The following PTPRA variants were observed in gnomAD, a reference collection of about 807,000 sequenced individuals.
PTPRA encodes receptor-type tyrosine-protein phosphatase alpha.
A neutral mutation model predicts 104.8 loss-of-function variants in PTPRA; 25 were observed. The ratio of observed to expected loss-of-function variants is 0.24; its 90% CI spans 0.17 to 0.33. The LOEUF (loss-of-function observed/expected upper bound fraction) is 0.33. Ranked by LOEUF, PTPRA falls within the 10% of genes least tolerant of loss-of-function variation. PTPRA has a pLI of 1.00. For synonymous variants in PTPRA, 323 were observed against 368.9 expected (o/e 0.88, Z 1.43); for missense variants, 765 against 1,015.3 (o/e 0.75, Z 3.35).
At chr20:3,009,195 C>G (rs1238857989) in intron 11 of PTPRA, among the ~76,000 whole-genome samples, 2 of 151,508 alleles carry the variant, frequency 1.3e-5, no homozygotes, top group Admixed American at 6.6e-5. Flanking sequence ...TCTGAGGTCC[C>G]TGAGAAAAGG....
At chr20:2,873,246 C>T (rs938795399), upstream of PTPRA, among the ~76,000 whole-genome samples, 6 of 152,172 alleles carry the variant, frequency 3.9e-5, no homozygotes, top group African/African-American at 7.2e-5. The surrounding 1 kb of genome is among the most constrained non-coding windows in gnomAD (Gnocchi z 4.4). Flanking sequence ...GGCACTGGTG[C>T]ACTCGCAGCC....
At chr20:2,979,601 A>G (rs2062586179) in intron 6 of PTPRA, among the ~76,000 whole-genome samples, 1 of 152,196 alleles carries the variant, frequency 6.6e-6, no homozygotes, top group South Asian at 2.1e-4. Flanking sequence ...ATCACAGCTC[A>G]CTGCAGCCTT....
At chr20:2,877,799 A>T (rs959765122) in intron 1 of PTPRA, among the ~76,000 whole-genome samples, 6 of 152,216 alleles carry the variant, frequency 3.9e-5, no homozygotes, top group Admixed American at 1.3e-4. Flanking sequence ...ATAGAATATG[A>T]TTTTTGAATT....
chr20:2,891,577 T>C (rs2146975874), intron 1 of PTPRA, among the ~76,000 whole-genome samples: 1 of 151,498 alleles, frequency 6.6e-6, no homozygotes, highest in Admixed American at 6.6e-5. Flanking sequence ...GTGTAGATTC[T>C]GTGCTTATAT....
rs1600299228 is a variant in PTPRA, at chr20:3,038,301, C to CTGAT, written c.*169_*172dup. 29 of 583,738 alleles carry CTGAT rather than the reference C, an allele frequency of 5.0e-5. No homozygotes were observed. The East Asian group carries it at 8.8e-4, about 18-fold the overall frequency. The allele number at this position is 583,738 out of a possible 1,614,324, so 36.2% of individuals were successfully genotyped here. ...AATTTTATATGTAAATGTGTTAGCA[C>CTGAT]TGATAGTCCTTTTTCCAATGTTTTA... On this transcript the variant is annotated 3_prime_UTR_variant, in exon 24 of 24. Transcript: ENST00000399903.
chr20:2,880,176 AAG>A (rs1385240951), intron 1 of PTPRA, among the ~76,000 whole-genome samples: 1 of 152,240 alleles, frequency 6.6e-6, no homozygotes, highest in Non-Finnish European at 1.5e-5. Context: ...AATTGTTAAA[AAG>A]TTCACTGTGG....
intron 1 of PTPRA, among the ~76,000 whole-genome samples, chr20:2,922,731 G>A (rs112606028): frequency 0.073 from 11,046 of 151,874 alleles, 521 homozygotes; most frequent in Non-Finnish European, 0.096. Context: ...TCTGCCTCCC[G>A]GGTTCAAGCA....
At chr20:3,027,990 T>C (rs2065228818) in intron 20 of PTPRA, 149 bp downstream of exon 20, 1 of 1,095,406 alleles carries the variant, frequency 9.1e-7, no homozygotes, top group Non-Finnish European at 1.3e-6. Flanking sequence ...TATAAGTACA[T>C]ACTTAAAGGT....
chr20:3,017,876 C>T lies in PTPRA; in HGVS notation c.1004C>T (p.Thr335Ile). The change falls in exon 13 of 24, where the codon ACC (threonine) becomes ATC (isoleucine). Residue 335 changes from threonine (T) to isoleucine (I), a missense_variant. Transcript: ENST00000399903. ...WRMIWEQNTA[T>I]IVMVTNLKER... is the part of the protein sequence containing the mutation. ...ATGATCTGGGAACAAAACACAGCCA[C>T]CATCGTCATGGTTACCAACCTGAAG... 1 of 1,614,176 alleles carries T rather than the reference C, an allele frequency of 6.2e-7. No individual in the cohort carries two copies. The highest frequency in any genetic ancestry group is 8.5e-7 in the Non-Finnish European group (1 of 1,180,018).
At chr20:2,951,517 T>C (rs1424950605) in intron 3 of PTPRA, among the ~76,000 whole-genome samples, 2 of 152,202 alleles carry the variant, frequency 1.3e-5, no homozygotes, top group South Asian at 2.1e-4. Flanking sequence ...ACCTCTCTGC[T>C]ACAATCCACC....
intron 3 of PTPRA, among the ~76,000 whole-genome samples, chr20:2,952,121 A>G (rs2061373962): frequency 6.8e-6 from 1 of 146,220 alleles, no homozygotes; most frequent in Admixed American, 6.8e-5. Flanking sequence ...TCCATCTCAA[A>G]AAAAGAAAAA....
chr20:2,963,500 A>G (rs2061831771), intron 3 of PTPRA, among the ~76,000 whole-genome samples: 2 of 152,012 alleles, frequency 1.3e-5, no homozygotes, highest in African/African-American at 2.4e-5. Flanking sequence ...AGGCTGAGGC[A>G]GGAGAATTGC....
intron 1 of PTPRA, among the ~76,000 whole-genome samples, chr20:2,913,617 A>T (rs932330097): frequency 6.6e-6 from 1 of 152,018 alleles, no homozygotes; most frequent in African/African-American, 2.4e-5. Context: ...TCATCTTTAG[A>T]TTCAGATTAT....
In PTPRA at chr20:2,924,395, G is replaced by C. The variant is rs929006355; in HGVS notation, c.-50+1110G>C. Among the ~76,000 whole-genome samples the C allele has an allele frequency of 2.6e-5, 4 of 152,150 alleles. No individual in the cohort carries two copies. The East Asian group carries it at 5.8e-4, about 22-fold the overall frequency. ...CCATCCAATCTGGGCAACAGGGCGA[G>C]ACTATGTATCAACAACAACAAAAAA... On this transcript the variant is annotated intron_variant, in intron 2 of 23. Transcript: ENST00000399903.
rs145219993 is a variant in PTPRA, at chr20:2,940,840, T to G, written c.-49-7142T>G. Among the ~76,000 whole-genome samples, 204 of 152,322 alleles carry G rather than the reference T, an allele frequency of 1.3e-3. 1 individual carries two copies. The highest frequency in any genetic ancestry group is 4.6e-3 in the African/African-American group (192 of 41,568). On this transcript the variant is annotated intron_variant, in intron 2 of 23. Transcript: ENST00000399903. ...AAGCAGAGACTTAATTGCCAGCCCT[T>G]TTTCCAGATGATTTGTAAATCCTAG...
At chr20:2,899,241 A>G (rs1330787823) in intron 1 of PTPRA, among the ~76,000 whole-genome samples, 1 of 152,246 alleles carries the variant, frequency 6.6e-6, no homozygotes, top group Non-Finnish European at 1.5e-5. Flanking sequence ...AGATAGAGTG[A>G]GACCCTGACT....
At chr20:2,982,292 T>G (rs1439240654) in intron 6 of PTPRA, among the ~76,000 whole-genome samples, 1 of 152,062 alleles carries the variant, frequency 6.6e-6, no homozygotes, top group Non-Finnish European at 1.5e-5. Flanking sequence ...TTTCACCATA[T>G]TGGCCAGGCT....
rs1294743860 is a variant in PTPRA at position 3,022,059 on chromosome 20, C to T, written c.1167C>T (p.Gly389=). ...TVRKFCIQQV[G]DMTNRKPQRL... is the part of the protein sequence containing the mutation. ...AGGATCTCCTCACTTCACAGGTGGGCGACATGACCAACAGAAAGCCACAGC... is the reference window on the plus strand; with the variant it reads ...AGGATCTCCTCACTTCACAGGTGGGTGACATGACCAACAGAAAGCCACAGC... The change falls in exon 15 of 24, where the codon GGC becomes GGT. Residue 389 remains glycine, a synonymous_variant. Transcript: ENST00000399903. The surrounding 1 kb of genome is among the most constrained non-coding windows in gnomAD (Gnocchi z 4.6). The T allele has an allele frequency of 3.2e-5, 51 of 1,613,940 alleles. 1 individual carries two copies. The highest frequency in any genetic ancestry group is 4.5e-5 in the East Asian group (2 of 44,900).
At chr20:2,912,036 A>T (rs992051082) in intron 1 of PTPRA, among the ~76,000 whole-genome samples, 3 of 151,816 alleles carry the variant, frequency 2.0e-5, no homozygotes, top group Admixed American at 2.0e-4. Context: ...TGAGCCCAGG[A>T]GTTCGAGACA....
Sources: allele counts gnomAD v4.1 joint callset (sites outside exome capture counted in the v4.1 genomes callset), GRCh38; gene constraint gnomAD v4.1.1; non-coding constraint Gnocchi (gnomAD v3.1); transcripts MANE v1.5; gene names NCBI Gene and HGNC (gene_info 2026-07-23, HGNC 2026-07-21).